The following SRCAP variants were observed in gnomAD, a reference collection of about 807,000 sequenced individuals.
SRCAP encodes Snf2 related CREBBP activator protein.
In SRCAP, 46 loss-of-function variants were observed where a neutral mutation model predicts 263.1. That is an observed-to-expected ratio of 0.17 (90% CI 0.14 to 0.22). The LOEUF (loss-of-function observed/expected upper bound fraction) is 0.22, where lower values mean the gene tolerates loss of function less well. SRCAP is among the 10% of genes least tolerant of loss of function. The pLI is 1.00. For synonymous variants in SRCAP, 1,813 were observed against 1,662.1 expected (o/e 1.09, Z -2.21); for missense variants, 3,695 against 4,181.9 (o/e 0.88, Z 3.21).
chr16:30,709,949 C>CGTGAGATTGAGCT lies in SRCAP; in HGVS notation c.957_969dup (p.Leu324Ter). On this transcript the variant is annotated frameshift_variant, in exon 8 of 34. Transcript: ENST00000262518. LOFTEE classifies it high-confidence loss of function. ...AGGCAATGATGCAGAGGCCCAGAGG[C>CGTGAGATTGAGCT]GTGAGATTGAGCTGCTTCGCCGTGA... The CGTGAGATTGAGCT allele has an allele frequency of 6.2e-7, 1 of 1,614,160 alleles. No homozygotes were observed. The highest frequency in any genetic ancestry group is 8.5e-7 in the Non-Finnish European group (1 of 1,180,034).
chr16:30,722,392 T>C, intron 22 of SRCAP, 106 bp downstream of exon 22: 1 of 1,534,204 alleles, frequency 6.5e-7, no homozygotes, highest in Non-Finnish European at 8.8e-7. Flanking sequence ...CCCAAGCTTT[T>C]GGTGGGTGGG....
chr16:30,700,938 CAGA>C (rs777688946), intron 3 of SRCAP, 60 bp downstream of exon 3: 130 of 1,559,982 alleles, frequency 8.3e-5, no homozygotes, highest in Non-Finnish European at 1.1e-4. Context: ...GAGTGTGAGG[CAGA>C]AGAAATGTGG....
At position 30,739,626 on chromosome 16, in the gene SRCAP, C is replaced by A. The variant is rs1373688265; in HGVS notation, c.9586C>A (p.Leu3196Ile). Residue 3196 changes from leucine (L) to isoleucine (I), a missense_variant, in exon 34 of 34, where the codon CTT becomes ATT. By Grantham distance (5) the Leu-to-Ile change is conservative. Transcript: ENST00000262518. ...TPRRRPGPRR[L>I]VGTTNQGDQR... ...ACGCCGACGTCCTGGCCCCCGCCGG[C>A]TTGTTGGGACCACCAACCAAGGGGA... is the stretch of plus-strand genomic sequence containing the variant. The A allele has an allele frequency of 1.9e-6, 3 of 1,591,604 alleles. No individual in the cohort carries two copies. The Admixed American group carries it at 5.3e-5, about 28-fold the overall frequency.
intron 31 of SRCAP, among the ~76,000 whole-genome samples, chr16:30,735,501 C>A (rs7198250): frequency 0.38 from 57,049 of 149,440 alleles, 13,572 homozygotes; most frequent in South Asian, 0.69. Context: ...ATTTCCTTTT[C>A]ATTAGTATTT....
At chr16:30,731,437 G>A (rs2053113624) in intron 27 of SRCAP, among the ~76,000 whole-genome samples, 1 of 152,050 alleles carries the variant, frequency 6.6e-6, no homozygotes, top group Non-Finnish European at 1.5e-5. Flanking sequence ...AACATGTTTC[G>A]AGATTTTTTA....
intron 33 of SRCAP, 87 bp downstream of exon 33, chr16:30,736,711 C>A: frequency 7.0e-7 from 1 of 1,438,052 alleles, no homozygotes; most frequent in Non-Finnish European, 9.6e-7. Flanking sequence ...CTCGCTCTGT[C>A]GCCCAGGCTG....
intron 30 of SRCAP, 64 bp downstream of exon 30, chr16:30,734,072 GTTTATT>G: frequency 7.1e-7 from 1 of 1,404,344 alleles, no homozygotes; most frequent in Non-Finnish European, 9.8e-7. Context: ...AGTTCCTCCT[GTTTATT>G]AAAGAAGACT....
Position 30,739,275 on chromosome 16 carries a change from C to T in SRCAP, c.9235C>T (p.Arg3079Trp), listed in dbSNP as rs768225785. 1.3e-5 allele frequency: 21 copies of T among 1,613,912 alleles called. No individual in the cohort carries two copies. Among genetic ancestry groups the T allele is most frequent in the African/African-American group, 2.7e-5 (2 of 74,934 alleles). ...LRLEAEGMRG[R>W]KSGGSMVVAV... ...GCTTGAAGCAGAAGGAATGCGAGGA[C>T]GGAAGAGTGGAGGGTCCATGGTGGT... Residue 3079 changes from arginine (R) to tryptophan (W), a missense_variant, in exon 34 of 34, where the codon CGG becomes TGG. Around this residue, in one of 12 missense-constraint regions of SRCAP, gnomAD observed 1,207 missense variants for 1,142.9 expected, o/e 1.06. Transcript: ENST00000262518.
chr16:30,709,554 C>T lies in SRCAP; in HGVS notation c.675C>T (p.Arg225=), dbSNP rs747153085. Reference sequence around the variant, plus strand: ...AACAGTCCCGGCTTGAGGAAAAGCGCAAAAAAGCCCTGGACCTGCATTTGG... The same window carrying T: ...AACAGTCCCGGCTTGAGGAAAAGCGTAAAAAAGCCCTGGACCTGCATTTGG... ...FKQQSRLEEK[R]KKALDLHLDF... Residue 225 remains arginine (R), a synonymous_variant, in exon 7 of 34, where the codon CGC becomes CGT. Coordinates refer to ENST00000262518, the MANE Select transcript of SRCAP (RefSeq NM_006662.3). The T allele has an allele frequency of 1.2e-6, 2 of 1,614,040 alleles. No homozygotes were observed. Among genetic ancestry groups the T allele is most frequent in the Non-Finnish European group, 1.7e-6 (2 of 1,179,996 alleles).
intron 25 of SRCAP, among the ~76,000 whole-genome samples, chr16:30,727,937 C>T (rs1245917829): frequency 2.0e-5 from 3 of 152,196 alleles, no homozygotes; most frequent in Admixed American, 2.0e-4. Context: ...CCACCTAGGC[C>T]TCCCAAAGTG....
rs2053219664 is a variant in SRCAP, at chr16:30,741,048, T to C, written c.*1315T>C. 1 of 152,244 alleles carries C rather than the reference T, an allele frequency of 6.6e-6. No homozygotes were observed. Among genetic ancestry groups the C allele is most frequent in the South Asian group, 2.1e-4 (1 of 4,830 alleles). 9.4% of individuals were successfully genotyped at this position (152,244 alleles called of 1,614,324 possible). On this transcript the variant is annotated 3_prime_UTR_variant, in exon 34 of 34. Transcript: ENST00000262518. Reference sequence around the variant, plus strand: ...AGTAGGGCATCATTTTGCAGGTTTCTGTGTGGTAATGAGGTCATTTAGACT... The same window carrying C: ...AGTAGGGCATCATTTTGCAGGTTTCCGTGTGGTAATGAGGTCATTTAGACT...
rs372224213 is a variant in SRCAP at position 30,724,270 on chromosome 16, C to G, written c.4846C>G (p.Pro1616Ala). Residue 1616 changes from proline to alanine, a missense_variant, in exon 25 of 34, where the codon CCA becomes GCA. Transcript: ENST00000262518. ...TCCTCTTCCGGTCCTGGCACCATCG[C>G]CAGGTGCTGCTCCTGTCCTGGCTTC... ...LAPLPVLAPS[P>A]GAAPVLASSQ... 2 of 1,614,022 alleles carry G rather than the reference C, an allele frequency of 1.2e-6. No individual in the cohort carries two copies. Among genetic ancestry groups the G allele is most frequent in the African/African-American group, 2.7e-5 (2 of 74,890 alleles).
At chr16:30,731,850 AAAAAT>A (rs1596662717) in intron 27 of SRCAP, among the ~76,000 whole-genome samples, 2 of 151,890 alleles carry the variant, frequency 1.3e-5, no homozygotes, top group African/African-American at 2.4e-5. Flanking sequence ...ACCTTGTCTC[AAAAAT>A]AAAATAAGGC....
intron 18 of SRCAP, among the ~76,000 whole-genome samples, chr16:30,717,913 A>ATT (rs747599108): frequency 2.5e-5 from 3 of 121,006 alleles, no homozygotes; most frequent in Non-Finnish European, 3.6e-5. Context: ...GGCCCTGCTG[A>ATT]TTTTTTTTTT....
At chr16:30,701,329 A>C (rs2052763665) in intron 3 of SRCAP, 1 of 152,812 alleles carries the variant, frequency 6.5e-6, no homozygotes. Context: ...AATTTTTTAA[A>C]TTTTTCTATA....
In SRCAP at chr16:30,723,055, C is replaced by G; in HGVS notation, c.3985C>G (p.Pro1329Ala). 1 of 1,614,098 alleles carries G rather than the reference C, an allele frequency of 6.2e-7. No homozygotes were observed. The highest frequency in any genetic ancestry group is 8.5e-7 in the Non-Finnish European group (1 of 1,180,018). ...DGLTPVPPLA[P>A]APRPPSSGLP... is the part of the protein sequence containing the mutation. ...ACTGACTCCTGTTCCTCCATTGGCC[C>G]CAGCACCCCGGCCTCCGAGCTCTGG... Residue 1329 changes from proline to alanine, a missense_variant, in exon 24 of 34, where the codon CCA becomes GCA. Physicochemically the swap from Pro to Ala is conservative, Grantham distance 27. Coordinates refer to ENST00000262518, the MANE Select transcript of SRCAP (RefSeq NM_006662.3).
rs1478163895 is a variant in SRCAP at position 30,739,805 on chromosome 16, A to C, written c.*72A>C. 1.4e-6 allele frequency: 2 copies of C among 1,430,558 alleles called. No homozygotes were observed. The highest frequency in any genetic ancestry group is 9.2e-7 in the Non-Finnish European group (1 of 1,089,026). 88.6% of individuals were successfully genotyped at this position (1,430,558 alleles called of 1,614,324 possible). On this transcript the variant is annotated 3_prime_UTR_variant, in exon 34 of 34. Coordinates refer to ENST00000262518, the MANE Select transcript of SRCAP (RefSeq NM_006662.3). ...ATGACCAGGCCTGACTCTGTTAACC[A>C]CTACTTGAAGTCTTGAGGGGGAAAG...
At chr16:30,728,410 A>G (rs2053082847) in intron 25 of SRCAP, among the ~76,000 whole-genome samples, 1 of 152,230 alleles carries the variant, frequency 6.6e-6, no homozygotes, top group Non-Finnish European at 1.5e-5. Context: ...GGATTGGGTC[A>G]AAGTCATCCA....
chr16:30,709,403 C>CT, intron 6 of SRCAP, 110 bp from the exon 7 acceptor site: 1 of 1,168,944 alleles, frequency 8.6e-7, no homozygotes, highest in Non-Finnish European at 1.2e-6. Flanking sequence ...TTTTACTTTC[C>CT]TAAGAGGCCA....
Sources: allele counts gnomAD v4.1 joint callset (sites outside exome capture counted in the v4.1 genomes callset), GRCh38; gene constraint gnomAD v4.1.1; regional missense constraint gnomAD v4.1.1; transcripts MANE v1.5; gene names NCBI Gene and HGNC (gene_info 2026-07-23, HGNC 2026-07-21).